The following PRKCE variants were observed in gnomAD, a reference collection of about 807,000 sequenced individuals.
The protein encoded by PRKCE is protein kinase C epsilon.
In PRKCE, 16 loss-of-function variants were observed where a neutral mutation model predicts 85.4. The ratio of observed to expected loss-of-function variants is 0.19; its 90% confidence interval spans 0.13 to 0.28. The LOEUF is 0.28. PRKCE is among the 10% of genes least tolerant of loss of function. The probability of loss-of-function intolerance (pLI) is 1.00; values close to 1 mark genes in which losing one functional copy is unlikely to be tolerated. For synonymous variants in PRKCE, 388 were observed against 371.5 expected (o/e 1.04, Z -0.51); for missense variants, 573 against 975.2 (o/e 0.59, Z 5.49).
At chr2:46,093,427 C>T (rs186473433) in intron 11 of PRKCE, among the ~76,000 whole-genome samples, 1 of 151,628 alleles carries the variant, frequency 6.6e-6, no homozygotes, top group African/African-American at 2.4e-5. Context: ...GCCTTCCCTC[C>T]CCTCAATTTC....
At position 45,804,938 on chromosome 2, in the gene PRKCE, T is replaced by C. The variant is rs1490515126; in HGVS notation, c.349-38062T>C. ...TTTTAAAGACTTTGTTCAGCTAAAC[T>C]CATCAACTTTTTTTTTTTTTTTTTG... On this transcript the variant is annotated intron_variant, in intron 1 of 14. Coordinates refer to ENST00000306156, the MANE Select transcript of PRKCE (RefSeq NM_005400.3). 2.9e-5 allele frequency among the ~76,000 whole-genome samples: 4 copies of C among 138,858 alleles called. No homozygotes were observed. In the East Asian group the frequency reaches 9.0e-4, roughly 31 times the overall value. The allele number at this position is 138,858 out of a possible 152,430, so 91.1% of individuals were successfully genotyped here.
intron 14 of PRKCE, among the ~76,000 whole-genome samples, chr2:46,180,060 G>A (rs1283094749): frequency 1.3e-5 from 2 of 152,238 alleles, no homozygotes; most frequent in Admixed American, 6.5e-5. Flanking sequence ...CCCAGTCTCT[G>A]CCTGCAAGGA....
intron 10 of PRKCE, among the ~76,000 whole-genome samples, chr2:46,022,238 T>C (rs944038016): frequency 1.3e-5 from 2 of 152,190 alleles, no homozygotes; most frequent in Non-Finnish European, 2.9e-5. Flanking sequence ...CTGACTTTTC[T>C]CATTCATAAT....
chr2:46,180,171 C>G (rs890841915), intron 14 of PRKCE, among the ~76,000 whole-genome samples: 11 of 152,108 alleles, frequency 7.2e-5, no homozygotes, highest in African/African-American at 2.7e-4. Flanking sequence ...TCAAGCAGCC[C>G]TGGAGGGATG....
At chr2:45,880,654 A>G (rs1470857336) in intron 2 of PRKCE, among the ~76,000 whole-genome samples, 2 of 152,330 alleles carry the variant, frequency 1.3e-5, no homozygotes, top group South Asian at 4.1e-4. Flanking sequence ...AATGCCTCAC[A>G]CAGTGGCTAG....
At chr2:45,831,976 A>G (rs1690460917) in intron 1 of PRKCE, among the ~76,000 whole-genome samples, 1 of 152,232 alleles carries the variant, frequency 6.6e-6, no homozygotes. Flanking sequence ...TTATTTTTGT[A>G]TGTATATTTA....
Position 46,001,290 on chromosome 2 carries a change from T to G in PRKCE, c.824-114T>G, listed in dbSNP as rs1704658139. On this transcript the variant is annotated intron_variant, in intron 6 of 14. Transcript: ENST00000306156. This position sits in a 1 kb window ranked among gnomAD's most constrained non-coding sequence, Gnocchi z 4.4. ...ATATATATTTCTGTATTTTCCAAATTATATCTTAAATGAACATGTAATACT... is the reference window on the plus strand; with the variant it reads ...ATATATATTTCTGTATTTTCCAAATGATATCTTAAATGAACATGTAATACT... The G allele has an allele frequency of 1.1e-6, 1 of 940,058 alleles. No individual in the cohort carries two copies. The highest frequency in any genetic ancestry group is 3.1e-5 in the Admixed American group (1 of 31,892). 58.2% of individuals were successfully genotyped at this position (940,058 alleles called of 1,614,324 possible).
At chr2:45,670,619 A>G (rs1003997893) in intron 1 of PRKCE, among the ~76,000 whole-genome samples, 3 of 152,220 alleles carry the variant, frequency 2.0e-5, no homozygotes, top group Non-Finnish European at 4.4e-5. Context: ...TCTAATTTTA[A>G]TGAGTACCAG....
intron 1 of PRKCE, among the ~76,000 whole-genome samples, chr2:45,767,725 C>T (rs1356542253): frequency 6.6e-6 from 1 of 152,200 alleles, no homozygotes; most frequent in Non-Finnish European, 1.5e-5. Context: ...CTTTCTCTAG[C>T]ATGCATGTCC....
At chr2:45,942,527 A>G (rs532377992) in intron 2 of PRKCE, among the ~76,000 whole-genome samples, 1 of 152,288 alleles carries the variant, frequency 6.6e-6, no homozygotes, top group Admixed American at 6.5e-5. Flanking sequence ...TTGTGATGTG[A>G]AAGGTCCCTG....
intron 14 of PRKCE, among the ~76,000 whole-genome samples, chr2:46,179,782 G>A (rs1473371773): frequency 1.3e-5 from 2 of 152,086 alleles, no homozygotes; most frequent in Non-Finnish European, 2.9e-5. Context: ...GACCCCATGG[G>A]CCTAGTGATG....
chr2:46,075,583 C>CA (rs1313131926), intron 10 of PRKCE, among the ~76,000 whole-genome samples: 4 of 151,612 alleles, frequency 2.6e-5, no homozygotes, highest in African/African-American at 4.8e-5. Flanking sequence ...CCTCTCTCTA[C>CA]AAAAAAATAT....
intron 1 of PRKCE, among the ~76,000 whole-genome samples, chr2:45,817,751 A>G (rs1013334118): frequency 1.3e-5 from 2 of 152,156 alleles, no homozygotes; most frequent in Admixed American, 1.3e-4. Flanking sequence ...AGGCTTTGCT[A>G]GGTTCAGTGG....
intron 14 of PRKCE, among the ~76,000 whole-genome samples, chr2:46,182,279 T>C (rs1680059542): frequency 6.6e-6 from 1 of 152,068 alleles, no homozygotes; most frequent in South Asian, 2.1e-4. Context: ...TCCACAGAGA[T>C]CTTCAGAAGA....
At chr2:45,689,780 C>G (rs1677584293) in intron 1 of PRKCE, among the ~76,000 whole-genome samples, 1 of 151,492 alleles carries the variant, frequency 6.6e-6, no homozygotes, top group South Asian at 2.1e-4. Context: ...ACTGTAGTCC[C>G]AGCTACTTGG....
At chr2:46,174,924 C>T (rs755558145) in intron 14 of PRKCE, among the ~76,000 whole-genome samples, 30 of 152,032 alleles carry the variant, frequency 2.0e-4, no homozygotes, top group Middle Eastern at 6.8e-3. Flanking sequence ...CTCCTGGGCT[C>T]GAGCTATCCA....
chr2:45,845,115 G>C (rs933138385), intron 2 of PRKCE, among the ~76,000 whole-genome samples: 2 of 145,200 alleles, frequency 1.4e-5, no homozygotes, highest in Admixed American at 7.1e-5. Context: ...CCTTTCTTTC[G>C]ATGGTGGGTA....
chr2:46,033,729 G>C (rs1293349666), intron 10 of PRKCE, among the ~76,000 whole-genome samples: 1 of 152,216 alleles, frequency 6.6e-6, no homozygotes, highest in Non-Finnish European at 1.5e-5. Context: ...CGTATGAAAT[G>C]AGGTAAGCAG....
At chr2:45,713,946 C>T (rs1679874316) in intron 1 of PRKCE, among the ~76,000 whole-genome samples, 2 of 152,214 alleles carry the variant, frequency 1.3e-5, no homozygotes, top group Admixed American at 1.3e-4. Context: ...TAAAATGTCT[C>T]TTCCTTCAAC....
Sources: gnomAD v4.1 joint callset for allele counts (sites outside exome capture counted in the v4.1 genomes callset) on GRCh38, gnomAD v4.1.1 for gene constraint, Gnocchi (gnomAD v3.1) non-coding constraint, MANE v1.5 for transcripts, NCBI Gene and HGNC (gene_info 2026-07-23, HGNC 2026-07-21) for gene names.